Variants in MED13L observed in about 807,000 individuals in gnomAD.
MED13L encodes mediator of RNA polymerase II transcription subunit 13-like.
Under a neutral mutation model 220.9 loss-of-function variants are expected in MED13L, and 7 were observed. The observed-to-expected ratio is 0.03, with a 90% CI of 0.02 to 0.06. The LOEUF (loss-of-function observed/expected upper bound fraction) is 0.06, where lower values mean the gene tolerates loss of function less well. MED13L is among the 10% of genes least tolerant of loss of function. The probability of loss-of-function intolerance (pLI) is 1.00; values close to 1 mark genes in which losing one functional copy is unlikely to be tolerated. For synonymous variants in MED13L, 1,011 were observed against 1,015.2 expected, an observed-to-expected ratio of 1.00 and a Z score of 0.08; for missense variants, 1,965 against 2,760.5, an observed-to-expected ratio of 0.71 and a Z score of 6.46.
At chr12:116,116,466 C>T (rs549070570) in intron 2 of MED13L, among the ~76,000 whole-genome samples, 1 of 152,244 alleles carries the variant, frequency 6.6e-6, no homozygotes, top group Admixed American at 6.5e-5. Context: ...TCTACATAAC[C>T]TGCCCTATGC....
In MED13L at chr12:115,996,657, G is replaced by C. The variant is rs1195996739; in HGVS notation, c.2815C>G (p.Pro939Ala). 5 of 1,614,036 alleles carry C rather than the reference G, an allele frequency of 3.1e-6. No homozygotes were observed. In the Admixed American group the frequency reaches 6.7e-5, roughly 22 times the overall value. ...GATCCCACAAAAGGTTGAAAGGATGGAACTTTGTGCACATATGAAAAGTCC... is the reference window on the plus strand; with the variant it reads ...GATCCCACAAAAGGTTGAAAGGATGCAACTTTGTGCACATATGAAAAGTCC... ...IKDFSYVHKVPSFQPFVGSSM... is the reference protein window; with the variant it reads ...IKDFSYVHKVASFQPFVGSSM... Residue 939 changes from proline (P) to alanine (A), a missense_variant, in exon 16 of 31, where the codon CCA becomes GCA. Transcript: ENST00000281928.
intron 2 of MED13L, among the ~76,000 whole-genome samples, chr12:116,212,574 A>G (rs1882764037): frequency 6.6e-6 from 1 of 152,212 alleles, no homozygotes; most frequent in South Asian, 2.1e-4. Flanking sequence ...TTCCATAAAT[A>G]CAGCACATAT....
At chr12:116,223,856 A>G (rs1390156731) in intron 2 of MED13L, among the ~76,000 whole-genome samples, 2 of 152,156 alleles carry the variant, frequency 1.3e-5, no homozygotes, top group East Asian at 3.9e-4. Context: ...TAACAACATC[A>G]TGTCATCATG....
At chr12:116,008,309 C>G in intron 10 of MED13L, 92 bp downstream of exon 10, 1 of 1,497,448 alleles carries the variant, frequency 6.7e-7, no homozygotes, top group Non-Finnish European at 8.9e-7. Context: ...AAGCCTACTT[C>G]AATTTTGAAT....
chr12:116,230,213 G>A (rs551550897), intron 2 of MED13L, among the ~76,000 whole-genome samples: 1 of 152,012 alleles, frequency 6.6e-6, no homozygotes, highest in South Asian at 2.1e-4. Flanking sequence ...AGACCAGCCT[G>A]GCCAACATGC....
intron 2 of MED13L, among the ~76,000 whole-genome samples, chr12:116,234,695 T>C (rs1350728673): frequency 6.6e-6 from 1 of 152,218 alleles, no homozygotes; most frequent in African/African-American, 2.4e-5. Flanking sequence ...TGTCACTTTG[T>C]TGCCCAGGAT....
chr12:115,996,608 A>G lies in MED13L; in HGVS notation c.2864T>C (p.Met955Thr), dbSNP rs752799280. The G allele has an allele frequency of 6.2e-7, 1 of 1,614,124 alleles. No homozygotes were observed. The highest frequency in any genetic ancestry group is 8.5e-7 in the Non-Finnish European group (1 of 1,179,986). The change falls in exon 16 of 31, where the codon ATG becomes ACG. Residue 955 changes from methionine (M) to threonine (T), a missense_variant. Around this residue, in one of 10 missense-constraint regions of MED13L, gnomAD observed 233 missense variants for 306.2 expected, o/e 0.76. Coordinates refer to ENST00000281928, the MANE Select transcript of MED13L (RefSeq NM_015335.5). Reference protein sequence around the residue: ...VGSSMFAPLKMLPSHCLLPLK... With the variant: ...VGSSMFAPLKTLPSHCLLPLK... ...AGGTAGCAAACAATGGCTCGGCAACATCTTCAGTGGAGCAAACATGGAGGA... is the reference window on the plus strand; with the variant it reads ...AGGTAGCAAACAATGGCTCGGCAACGTCTTCAGTGGAGCAAACATGGAGGA...
At chr12:116,076,863 A>G (rs1015216289) in intron 4 of MED13L, among the ~76,000 whole-genome samples, 1 of 152,172 alleles carries the variant, frequency 6.6e-6, no homozygotes, top group Non-Finnish European at 1.5e-5. Flanking sequence ...TCTTTTATAC[A>G]TCTTGGGCCC....
chr12:116,108,400 G>GC (rs1281570354), intron 3 of MED13L, among the ~76,000 whole-genome samples: 5 of 130,244 alleles, frequency 3.8e-5, no homozygotes, highest in Middle Eastern at 4.0e-3. Context: ...AGGGGGGGGG[G>GC]GCGCGTGGGG....
intron 2 of MED13L, among the ~76,000 whole-genome samples, chr12:116,161,331 A>C (rs1163840103): frequency 6.6e-6 from 1 of 152,132 alleles, no homozygotes; most frequent in African/African-American, 2.4e-5. Context: ...GAAGTGGCAA[A>C]GTCCTCAGGA....
chr12:116,045,925 C>T (rs11067889), intron 4 of MED13L, among the ~76,000 whole-genome samples: 12,951 of 151,896 alleles, frequency 0.085, 1,220 homozygotes, highest in East Asian at 0.39. Flanking sequence ...TTATTACCAA[C>T]TACCTAATAA....
chr12:116,031,705 GA>G (rs1373733503), intron 4 of MED13L, among the ~76,000 whole-genome samples: 1 of 32,952 alleles, frequency 3.0e-5, no homozygotes, highest in African/African-American at 9.6e-5. Context: ...GAAAAGAAAA[GA>G]AAAGAAAAGA....
chr12:116,013,846 G>T lies in MED13L; in HGVS notation c.1176-945C>A, dbSNP rs182360461. 3.3e-3 allele frequency among the ~76,000 whole-genome samples: 500 copies of T among 152,240 alleles called. 4 individuals are homozygous for T. The highest frequency in any genetic ancestry group is 0.011 in the African/African-American group (467 of 41,544). The stretch of plus-strand genomic sequence containing the variant: ...ACTCTCTGCCCTCCACTGCCCTCCT[G>T]GTTGTCTCATCTCCCTGTTCTGTAC... On this transcript the variant is annotated intron_variant, in intron 8 of 30. Transcript: ENST00000281928.
chr12:115,996,358 C>T (rs533350019), intron 16 of MED13L, 118 bp downstream of exon 16: 114 of 1,158,362 alleles, frequency 9.8e-5, no homozygotes, highest in African/African-American at 9.2e-4. Flanking sequence ...TCCCAAAGTG[C>T]TGGGATTACA....
chr12:116,046,946 C>T (rs1881873916), intron 4 of MED13L, among the ~76,000 whole-genome samples: 1 of 152,096 alleles, frequency 6.6e-6, no homozygotes, highest in African/African-American at 2.4e-5. Context: ...GCACTCCAGC[C>T]TGGGCGACAG....
intron 1 of MED13L, among the ~76,000 whole-genome samples, chr12:116,265,806 C>T (rs1872787551): frequency 6.6e-6 from 1 of 152,100 alleles, no homozygotes; most frequent in African/African-American, 2.4e-5. Flanking sequence ...TCCTACATAC[C>T]ACCTCAATAA....
intron 1 of MED13L, 33 bp downstream of exon 1, chr12:116,277,023 CCCGG>C: frequency 7.4e-7 from 1 of 1,345,876 alleles, no homozygotes; most frequent in Non-Finnish European, 1.0e-6. Context: ...CCCCCCCTTC[CCCGG>C]CACAGCCCCC....
chr12:116,063,159 A>G (rs1312443832), intron 4 of MED13L, among the ~76,000 whole-genome samples: 1 of 152,142 alleles, frequency 6.6e-6, no homozygotes, highest in Non-Finnish European at 1.5e-5. Context: ...TCTCATCCAT[A>G]AGAGCAAGGT....
At chr12:116,077,023 C>G (rs939607724) in intron 4 of MED13L, among the ~76,000 whole-genome samples, 3 of 150,958 alleles carry the variant, frequency 2.0e-5, no homozygotes, top group Non-Finnish European at 3.0e-5. Flanking sequence ...CTTGAGACAC[C>G]ACGGTGACAT....
Sources: gnomAD v4.1 joint callset for allele counts (sites outside exome capture counted in the v4.1 genomes callset) on GRCh38, gnomAD v4.1.1 for gene constraint, gnomAD v4.1.1 regional missense constraint, MANE v1.5 for transcripts, NCBI Gene and HGNC (gene_info 2026-07-23, HGNC 2026-07-21) for gene names.